The following POPDC1 variants were observed in gnomAD, a reference collection of about 807,000 sequenced individuals.
POPDC1 encodes the protein popeye domain-containing protein 1.
chr6:105,111,645 T>C, the POPDC1 span, among the ~76,000 whole-genome samples: 1 of 152,222 alleles, frequency 6.6e-6, no homozygotes, highest in African/African-American at 2.4e-5. Flanking sequence ...TCTCAGGCTG[T>C]CTCATGACTT....
At chr6:105,109,684 A>G in the POPDC1 span, among the ~76,000 whole-genome samples, 4 of 144,142 alleles carry the variant, frequency 2.8e-5, no homozygotes, top group Non-Finnish European at 1.5e-5. Flanking sequence ...GGACATCTTG[A>G]GCCTGGGAGG....
At chr6:105,136,275 G>C in the POPDC1 span, 1 of 152,250 alleles carries the variant, frequency 6.6e-6, no homozygotes, top group Non-Finnish European at 1.5e-5. Context: ...CCAACAACCC[G>C]TTCCCAAAGG....
the POPDC1 span, among the ~76,000 whole-genome samples, chr6:105,128,474 G>T: frequency 6.6e-6 from 1 of 152,166 alleles, no homozygotes; most frequent in Non-Finnish European, 1.5e-5. Flanking sequence ...ACACATAGCT[G>T]CCAGAGGCAA....
the POPDC1 span, among the ~76,000 whole-genome samples, chr6:105,117,922 T>C: frequency 6.6e-6 from 1 of 152,174 alleles, no homozygotes; most frequent in Non-Finnish European, 1.5e-5. Flanking sequence ...GGCATGTGCC[T>C]GTAGTCCCAG....
At chr6:105,123,141 T>C in the POPDC1 span, among the ~76,000 whole-genome samples, 1 of 152,330 alleles carries the variant, frequency 6.6e-6, no homozygotes, top group Middle Eastern at 3.4e-3. Context: ...CTAACATTCC[T>C]TCCTCCCTCA....
the POPDC1 span, chr6:105,125,512 C>T: frequency 6.2e-7 from 1 of 1,614,148 alleles, no homozygotes; most frequent in Non-Finnish European, 8.5e-7. Flanking sequence ...CTGAACAAAT[C>T]TGGAGGCACA....
the POPDC1 span, among the ~76,000 whole-genome samples, chr6:105,120,221 T>G: frequency 0.074 from 4 of 54 alleles, 2 homozygotes; most frequent in East Asian, 1. Context: ...ATCCCGCCAC[T>G]GCACTCCAGC....
the POPDC1 span, among the ~76,000 whole-genome samples, chr6:105,112,249 C>CA: frequency 6.6e-6 from 1 of 152,114 alleles, no homozygotes; most frequent in South Asian, 2.1e-4. Context: ...AACACACACA[C>CA]AGAGACAGAG....
At chr6:105,114,783 C>T in the POPDC1 span, among the ~76,000 whole-genome samples, 6,550 of 152,106 alleles carry the variant, frequency 0.043, 472 homozygotes, top group African/African-American at 0.15. Flanking sequence ...GGAAGAATAC[C>T]GGAAAATGTG....
the POPDC1 span, among the ~76,000 whole-genome samples, chr6:105,106,843 A>G: frequency 0.86 from 130,753 of 152,088 alleles, 57,736 homozygotes; most frequent in Non-Finnish European, 0.96. Context: ...GTGGATGTAT[A>G]TATTTATGAG....
chr6:105,123,603 T>C, the POPDC1 span, among the ~76,000 whole-genome samples: 27 of 152,134 alleles, frequency 1.8e-4, no homozygotes, highest in African/African-American at 6.5e-4. Context: ...GGTTTCACCA[T>C]GTTAACCAGG....
chr6:105,129,362 T>C, the POPDC1 span: 6 of 1,582,610 alleles, frequency 3.8e-6, no homozygotes, highest in South Asian at 5.7e-5. Flanking sequence ...TCCTTATTAA[T>C]TAATTTTAAT....
the POPDC1 span, among the ~76,000 whole-genome samples, chr6:105,109,763 C>CAAAAAAAAAA: frequency 8.7e-4 from 20 of 22,872 alleles, 4 homozygotes; most frequent in East Asian, 7.6e-3. Flanking sequence ...GACCCTTTCT[C>CAAAAAAAAAA]AAAAAAAAAA....
chr6:105,102,412 A>G, the POPDC1 span, among the ~76,000 whole-genome samples: 9 of 152,210 alleles, frequency 5.9e-5, no homozygotes, highest in African/African-American at 2.2e-4. Flanking sequence ...GGCTATGAGC[A>G]TGTCACACGG....
the POPDC1 span, among the ~76,000 whole-genome samples, chr6:105,110,909 C>T: frequency 6.6e-6 from 1 of 152,158 alleles, no homozygotes. Flanking sequence ...TCGTCTTGAA[C>T]TCCTGGGGTC....
the POPDC1 span, among the ~76,000 whole-genome samples, chr6:105,111,586 T>C: frequency 6.6e-6 from 1 of 152,338 alleles, no homozygotes; most frequent in East Asian, 1.9e-4. Flanking sequence ...GTGAAAGAGT[T>C]AAATGAACTG....
the POPDC1 span, among the ~76,000 whole-genome samples, chr6:105,111,368 TAAG>T: frequency 1.3e-5 from 2 of 152,176 alleles, no homozygotes; most frequent in African/African-American, 4.8e-5. Context: ...TGAAGGGAGC[TAAG>T]AAGGAGAGAA....
At chr6:105,126,050 C>A in the POPDC1 span, among the ~76,000 whole-genome samples, 6 of 151,836 alleles carry the variant, frequency 4.0e-5, no homozygotes, top group Admixed American at 2.0e-4. Flanking sequence ...ATGGTGAAAC[C>A]CCCATCTCTA....
the POPDC1 span, among the ~76,000 whole-genome samples, chr6:105,105,475 A>G: frequency 2.0e-5 from 3 of 152,230 alleles, no homozygotes; most frequent in Non-Finnish European, 4.4e-5. Flanking sequence ...TGGCCACCAG[A>G]AAGCCCAGCT....
Sources: gnomAD v4.1 joint callset for allele counts (sites outside exome capture counted in the v4.1 genomes callset) on GRCh38, gnomAD v4.1.1 for gene constraint, MANE v1.5 for transcripts, NCBI Gene and HGNC (gene_info 2026-07-23, HGNC 2026-07-21) for gene names.